The following PRPF4 variants were observed in gnomAD, a reference collection of about 807,000 sequenced individuals.
PRPF4 encodes pre-mRNA splicing tri-snRNP complex factor PRPF4, also known as U4/U6 small nuclear ribonucleoprotein Prp4.
PRPF4 carries 14 observed loss-of-function variants against 72.2 expected under a neutral mutation model. The observed-to-expected ratio is 0.19, with a 90% CI of 0.13 to 0.30. The LOEUF (loss-of-function observed/expected upper bound fraction) is 0.30. PRPF4 is among the 10% of genes least tolerant of loss of function. The pLI, the probability that PRPF4 is intolerant of heterozygous loss-of-function variation, is 1.00. For missense variants in PRPF4, 478 were observed against 653.9 expected (o/e 0.73, Z 2.93); for synonymous variants, 225 against 232.2 (o/e 0.97, Z 0.28).
intron 2 of PRPF4, among the ~76,000 whole-genome samples, chr9:113,277,980 CAAAAA>C (rs543381831): frequency 6.8e-6 from 1 of 146,472 alleles, no homozygotes; most frequent in African/African-American, 2.5e-5. Flanking sequence ...GACCCTGTCT[CAAAAA>C]AAAAAGTTAT....
rs1832372061 is a variant in PRPF4 at position 113,284,344 on chromosome 9, A to G, written c.704A>G (p.Tyr235Cys). 6 of 1,613,608 alleles carry G rather than the reference A, an allele frequency of 3.7e-6. No individual in the cohort carries two copies. The highest frequency in any genetic ancestry group is 5.1e-6 in the Non-Finnish European group (6 of 1,179,562). ...ATTGGGGATGATCGGCCTATCTCCT[A>G]CTGTCACTTTAGTCCCAATTCCAAG... ...SQIGDDRPISYCHFSPNSKML... is the reference protein window; with the variant it reads ...SQIGDDRPISCCHFSPNSKML... Residue 235 changes from tyrosine (Y) to cysteine (C), a missense_variant, in exon 7 of 14, where the codon TAC becomes TGC. Coordinates refer to ENST00000374198, the MANE Select transcript of PRPF4 (RefSeq NM_001244926.2).
At position 113,276,419 on chromosome 9, in the gene PRPF4, T is replaced by G. The variant is rs192839805; in HGVS notation, c.28-129T>G. ...AATCAATGAAGAGCGTCTTAAGTAGTGTCCAATTTGTCCTTTCAATTACAG... is the reference window on the plus strand; with the variant it reads ...AATCAATGAAGAGCGTCTTAAGTAGGGTCCAATTTGTCCTTTCAATTACAG... On this transcript the variant is annotated intron_variant, in intron 1 of 13. Coordinates refer to ENST00000374198, the MANE Select transcript of PRPF4 (RefSeq NM_001244926.2). 5.8e-4 allele frequency: 561 copies of G among 963,700 alleles called. 4 individuals are homozygous for G. The African/African-American group carries it at 7.8e-3, about 13-fold the overall frequency. 59.7% of individuals were successfully genotyped at this position (963,700 alleles called of 1,614,324 possible). A position where few individuals can be genotyped will look rare whatever the true frequency, so the allele number is the denominator to read the frequency against.
At chr9:113,275,939 A>G (rs1467662855) in intron 1 of PRPF4, among the ~76,000 whole-genome samples, 169 bp downstream of exon 1, 4 of 152,298 alleles carry the variant, frequency 2.6e-5, no homozygotes, top group Non-Finnish European at 4.4e-5. Flanking sequence ...CCTGATCCCT[A>G]AGCGCTTTCG....
chr9:113,286,680 A>T (rs1397164640), intron 8 of PRPF4, 25 bp from the exon 9 acceptor site: 1 of 1,613,954 alleles, frequency 6.2e-7, no homozygotes, highest in African/African-American at 1.3e-5. Flanking sequence ...GAACCTTTTA[A>T]CTTGCATCTC....
chr9:113,279,257 G>A lies in PRPF4; in HGVS notation c.392+126G>A. ...AATCATGTTAACAATATCTTACTGTGTTTATATGAGTTAGCCCATAATCTG... is the reference window on the plus strand; with the variant it reads ...AATCATGTTAACAATATCTTACTGTATTTATATGAGTTAGCCCATAATCTG... On this transcript the variant is annotated intron_variant, in intron 3 of 13. Coordinates refer to ENST00000374198, the MANE Select transcript of PRPF4 (RefSeq NM_001244926.2). 3 of 850,456 alleles carry A rather than the reference G, an allele frequency of 3.5e-6. No individual in the cohort carries two copies. The South Asian group carries it at 5.8e-5, about 16-fold the overall frequency. 52.7% of individuals were successfully genotyped at this position (850,456 alleles called of 1,614,324 possible). A position where few individuals can be genotyped will look rare whatever the true frequency, so the allele number is the denominator to read the frequency against.
At chr9:113,280,134 A>G (rs1832232999) in intron 3 of PRPF4, among the ~76,000 whole-genome samples, 1 of 152,196 alleles carries the variant, frequency 6.6e-6, no homozygotes, top group Non-Finnish European at 1.5e-5. Flanking sequence ...TTTACTAAGA[A>G]TAGCCCTAGT....
chr9:113,283,499 A>G lies in PRPF4; in HGVS notation c.654+17A>G. 6.2e-7 allele frequency: 1 copy of G among 1,613,000 alleles called. No individual in the cohort carries two copies. The highest frequency in any genetic ancestry group is 8.5e-7 in the Non-Finnish European group (1 of 1,179,194). On this transcript the variant is annotated intron_variant, in intron 6 of 13. Transcript: ENST00000374198. ...TCTCTCCGGGTAAGATGCTCCCAGC[A>G]ATTGTCCCACATCTTAAAGGTTCTT...
intron 9 of PRPF4, among the ~76,000 whole-genome samples, chr9:113,287,835 C>T (rs780111246): frequency 3.7e-4 from 56 of 152,288 alleles, no homozygotes; most frequent in Admixed American, 9.8e-4. Context: ...TAATGGCCAC[C>T]AAAAGGAGAC....
At chr9:113,277,986 A>C (rs1468231887) in intron 2 of PRPF4, among the ~76,000 whole-genome samples, 1 of 152,244 alleles carries the variant, frequency 6.6e-6, no homozygotes, top group Admixed American at 6.5e-5. Flanking sequence ...GTCTCAAAAA[A>C]AAAAGTTATT....
At chr9:113,285,630 G>T (rs1265055128) in intron 7 of PRPF4, among the ~76,000 whole-genome samples, 1 of 151,494 alleles carries the variant, frequency 6.6e-6, no homozygotes, top group Non-Finnish European at 1.5e-5. Context: ...TGCCCGCCTT[G>T]GCCTCCCAAA....
In PRPF4 at chr9:113,282,636, T is replaced by A. The variant is rs1253814112; in HGVS notation, c.393-10T>A. ...GTTTAAATTCTGATCTTTTTTTTTTTTTTTAACAGGTTAAGAAATATCCTC... is the reference window on the plus strand; with the variant it reads ...GTTTAAATTCTGATCTTTTTTTTTTATTTTAACAGGTTAAGAAATATCCTC... On this transcript the variant is annotated splice_polypyrimidine_tract_variant and intron_variant, in intron 3 of 13. Transcript: ENST00000374198. 2.6e-5 allele frequency: 41 copies of A among 1,568,562 alleles called. No homozygotes were observed. Among genetic ancestry groups the A allele is most frequent in the Non-Finnish European group, 3.5e-5 (40 of 1,156,524 alleles).
chr9:113,285,398 A>T (rs2118624001), intron 7 of PRPF4, among the ~76,000 whole-genome samples: 3 of 61,584 alleles, frequency 4.9e-5, no homozygotes, highest in East Asian at 5.1e-4. Flanking sequence ...TTTTTTTTTG[A>T]GACGGAGTGT....
chr9:113,279,330 GTTCGTT>G (rs1393588865), intron 3 of PRPF4, among the ~76,000 whole-genome samples, 199 bp downstream of exon 3: 8 of 146,232 alleles, frequency 5.5e-5, no homozygotes, highest in African/African-American at 2.2e-4. Context: ...TTTTGTGTTT[GTTCGTT>G]TTTGTTTTGT....
chr9:113,276,682 A>G lies in PRPF4; in HGVS notation c.162A>G (p.Gly54=). Residue 54 remains glycine, a synonymous_variant, in exon 2 of 14, where the codon GGA becomes GGG. Coordinates refer to ENST00000374198, the MANE Select transcript of PRPF4 (RefSeq NM_001244926.2). The part of the protein sequence containing the change: ...KGESGILGKD[G]LKAGIEAGNI... ...AGTCTGGGATTTTGGGGAAAGACGG[A>G]CTTAAAGCAGGGATCGAAGCTGGAA... 1.9e-6 allele frequency: 3 copies of G among 1,614,066 alleles called. No individual in the cohort carries two copies. The highest frequency in any genetic ancestry group is 2.5e-6 in the Non-Finnish European group (3 of 1,179,990).
Position 113,282,685 on chromosome 9 carries a change from GA to G in PRPF4, c.437del (p.Lys146ArgfsTer28). 6.2e-7 allele frequency: 1 copy of G among 1,608,260 alleles called. No individual in the cohort carries two copies. Among genetic ancestry groups the G allele is most frequent in the Non-Finnish European group, 8.5e-7 (1 of 1,177,486 alleles). ...ILSVVGTDAL[K>X]KTKKDDEKSK... ...TCTCAGTTGTCGGTACTGATGCCTT[GA>G]AAAAGACCAAAAAGGATGATGAGAA... On this transcript the variant is annotated frameshift_variant, in exon 4 of 14. Coordinates refer to ENST00000374198, the MANE Select transcript of PRPF4 (RefSeq NM_001244926.2). LOFTEE classifies it high-confidence loss of function.
In PRPF4 at chr9:113,290,466, C is replaced by T. The variant is rs147936001; in HGVS notation, c.1023C>T (p.Cys341=). 1.2e-6 allele frequency: 2 copies of T among 1,614,036 alleles called. No homozygotes were observed. Among genetic ancestry groups the T allele is most frequent in the African/African-American group, 2.7e-5 (2 of 74,918 alleles). Residue 341 remains cysteine (C), a splice_region_variant and synonymous_variant, in exon 11 of 14, where the codon TGC becomes TGT. Transcript: ENST00000374198. ...GATTGTTAGTGTGATTTGGTTTTAG[C>T]TATGACCGTTCATGGCGCTTATGGG... The part of the protein sequence containing the change: ...HPSGRFLGTT[C]YDRSWRLWDL...
At chr9:113,288,655 T>G (rs1832522898) in intron 10 of PRPF4, among the ~76,000 whole-genome samples, 1 of 152,152 alleles carries the variant, frequency 6.6e-6, no homozygotes, top group Admixed American at 6.5e-5. Context: ...CAGGCTGGTC[T>G]TAAACTCCTG....
At chr9:113,289,554 C>T (rs1032990601) in intron 10 of PRPF4, among the ~76,000 whole-genome samples, 1 of 152,186 alleles carries the variant, frequency 6.6e-6, no homozygotes, top group African/African-American at 2.4e-5. Flanking sequence ...TCTTATTACC[C>T]TGATCATTAT....
At chr9:113,284,669 T>TAC (rs1832383929) in intron 7 of PRPF4, among the ~76,000 whole-genome samples, 1 of 152,216 alleles carries the variant, frequency 6.6e-6, no homozygotes, top group Non-Finnish European at 1.5e-5. Flanking sequence ...GTAGTGAGTT[T>TAC]ATAGACCAAC....
Sources: allele counts gnomAD v4.1 joint callset (sites outside exome capture counted in the v4.1 genomes callset), GRCh38; gene constraint gnomAD v4.1.1; transcripts MANE v1.5; gene names NCBI Gene and HGNC (gene_info 2026-07-23, HGNC 2026-07-21).